Variants in CCDC66 observed in about 807,000 individuals in gnomAD.
The protein encoded by CCDC66 is coiled-coil domain containing 66.
Under a neutral mutation model 128.3 loss-of-function variants are expected in CCDC66, and 133 were observed. That is an observed-to-expected ratio of 1.04 (90% confidence interval 0.90 to 1.20). The LOEUF (loss-of-function observed/expected upper bound fraction) is 1.20, where lower values mean the gene tolerates loss of function less well. Ranked by LOEUF, CCDC66 falls within the 50% of genes most tolerant of loss-of-function variation. The pLI, the probability that CCDC66 is intolerant of heterozygous loss-of-function variation, is 0.00. For missense variants in CCDC66, 1,126 were observed against 1,075.5 expected (o/e 1.05, Z -0.66); for synonymous variants, 387 against 357.0 (o/e 1.08, Z -0.95).
chr3:56,589,644 A>T (rs2070495798), intron 7 of CCDC66, among the ~76,000 whole-genome samples: 1 of 152,178 alleles, frequency 6.6e-6, no homozygotes, highest in Non-Finnish European at 1.5e-5. Flanking sequence ...TTAGCACAAC[A>T]TTGAAAGGAT....
At chr3:56,619,611 T>C in intron 16 of CCDC66, 84 bp downstream of exon 16, 2 of 1,502,570 alleles carry the variant, frequency 1.3e-6, no homozygotes, top group Admixed American at 4.4e-5. Flanking sequence ...AAATTAGTAA[T>C]TCCTGCACTT....
chr3:56,559,517 A>T, intron 2 of CCDC66, 52 bp from the exon 3 acceptor site: 5 of 1,238,770 alleles, frequency 4.0e-6, no homozygotes, highest in Non-Finnish European at 5.6e-6. Context: ...TTGCATTACC[A>T]CCTTAGTATG....
intron 4 of CCDC66, among the ~76,000 whole-genome samples, chr3:56,564,580 T>C (rs2065540392): frequency 6.6e-6 from 1 of 152,186 alleles, no homozygotes; most frequent in African/African-American, 2.4e-5. Flanking sequence ...CATTCCATGC[T>C]AAGAAATGGC....
Position 56,593,931 on chromosome 3 carries a change from T to A in CCDC66, c.1320-13T>A. 6.2e-7 allele frequency: 1 copy of A among 1,613,768 alleles called. No individual in the cohort carries two copies. Among genetic ancestry groups the A allele is most frequent in the Non-Finnish European group, 8.5e-7 (1 of 1,179,666 alleles). On this transcript the variant is annotated splice_polypyrimidine_tract_variant and intron_variant, in intron 9 of 17. Transcript: ENST00000394672. Reference sequence around the variant, plus strand: ...TTTGAGGTTTTGAATAGCTAATGTATGTATCTTGCCAGCTTTCTCCGTTCT... The same window carrying A: ...TTTGAGGTTTTGAATAGCTAATGTAAGTATCTTGCCAGCTTTCTCCGTTCT...
Position 56,593,689 on chromosome 3 carries a change from C to G in CCDC66, c.1267C>G (p.His423Asp), listed in dbSNP as rs1364144255. Residue 423 changes from histidine (H) to aspartate (D), a missense_variant, in exon 9 of 18, where the codon CAT becomes GAT. Transcript: ENST00000394672. ...GSQVEPSEEE[H>D]IAKPIKDVVM... ...CCAGGTTGAACCTTCAGAGGAGGAG[C>G]ATATAGCAAAACCTATTAAGGATGT... 8.7e-6 allele frequency: 14 copies of G among 1,614,106 alleles called. No homozygotes were observed. In the South Asian group the frequency reaches 1.5e-4, roughly 18 times the overall value.
intron 7 of CCDC66, among the ~76,000 whole-genome samples, chr3:56,579,170 T>G (rs2067897662): frequency 6.6e-6 from 1 of 151,922 alleles, no homozygotes; most frequent in Non-Finnish European, 1.5e-5. Context: ...ATCCATTTCT[T>G]CTAGATTTTC....
At chr3:56,557,666 A>G in intron 1 of CCDC66, 1 of 192,020 alleles carries the variant, frequency 5.2e-6, no homozygotes, top group African/African-American at 2.3e-5. Context: ...TGAAACGCCC[A>G]AATTCGTTTT....
Position 56,571,294 on chromosome 3 carries a change from C to T in CCDC66, c.928C>T (p.Gln310Ter). ...ATGGGAAAAACATCAAATTCTTGACCAATCTAGGGTAAGACATCTTAATTG... is the reference window on the plus strand; with the variant it reads ...ATGGGAAAAACATCAAATTCTTGACTAATCTAGGGTAAGACATCTTAATTG... The part of the protein sequence containing the change: ...IIWEKHQILD[Q>*]SRETVLLEHP... The change falls in exon 7 of 18, where the codon CAA becomes TAA. Residue 310 changes from glutamine (Q) to a stop codon, truncating the protein, a stop_gained. Transcript: ENST00000394672. LOFTEE classifies it high-confidence loss of function. 6.6e-7 allele frequency: 1 copy of T among 1,517,250 alleles called. No homozygotes were observed. The highest frequency in any genetic ancestry group is 2.3e-5 in the East Asian group (1 of 43,070). The allele number at this position is 1,517,250 out of a possible 1,614,324, so 94.0% of individuals were successfully genotyped here.
intron 10 of CCDC66, among the ~76,000 whole-genome samples, chr3:56,611,622 C>T (rs2107308757): frequency 7.1e-6 from 1 of 140,778 alleles, no homozygotes; most frequent in East Asian, 2.2e-4. Context: ...CAAGTTGTTA[C>T]AAAGTTCATC....
rs528216819 is a variant in CCDC66 at position 56,581,903 on chromosome 3, C to G, written c.936+10601C>G. Among the ~76,000 whole-genome samples the G allele has an allele frequency of 3.7e-3, 567 of 152,000 alleles. 3 individuals carry two copies. Among genetic ancestry groups the G allele is most frequent in the Non-Finnish European group, 5.1e-3 (349 of 68,016 alleles). ...AGGCAGTCTGTCCGTTCTCAGATCT[C>G]AAACTCTGTGCTGGGAGAAGCACTA... On this transcript the variant is annotated intron_variant, in intron 7 of 17. Transcript: ENST00000394672.
chr3:56,566,469 C>T, intron 4 of CCDC66, 125 bp from the exon 5 acceptor site: 1 of 604,084 alleles, frequency 1.7e-6, no homozygotes, highest in Non-Finnish European at 2.8e-6. Flanking sequence ...ATGGCTACCT[C>T]AAGGATTGTT....
chr3:56,592,112 A>G (rs2071013238), intron 7 of CCDC66, among the ~76,000 whole-genome samples: 1 of 152,158 alleles, frequency 6.6e-6, no homozygotes, highest in Non-Finnish European at 1.5e-5. Flanking sequence ...GACACAGTAT[A>G]TTTTTGTTAT....
intron 7 of CCDC66, among the ~76,000 whole-genome samples, chr3:56,581,399 CCTT>C (rs1553681718): frequency 2.0e-5 from 3 of 151,938 alleles, no homozygotes; most frequent in Non-Finnish European, 4.4e-5. Flanking sequence ...TCGTCTGAAG[CCTT>C]CTTCTCTCAA....
chr3:56,563,904 A>G lies in CCDC66; in HGVS notation c.323A>G (p.Gln108Arg). 1.2e-6 allele frequency: 2 copies of G among 1,613,314 alleles called. No individual in the cohort carries two copies. The highest frequency in any genetic ancestry group is 8.5e-7 in the Non-Finnish European group (1 of 1,179,414). The stretch of plus-strand genomic sequence containing the variant: ...ATAGATAAAGACTGTCTTCATATCC[A>G]GAAAGAGATTTCACCTGCAACCCCT... ...QCIDKDCLHI[Q>R]KEISPATPNM... is the part of the protein sequence containing the mutation. The change falls in exon 4 of 18, where the codon CAG (glutamine) becomes CGG (arginine). Residue 108 changes from glutamine (Q) to arginine (R), a missense_variant. Gln to Arg is a conservative substitution (Grantham distance 43, BLOSUM62 1). Coordinates refer to ENST00000394672, the MANE Select transcript of CCDC66 (RefSeq NM_001141947.3).
At chr3:56,573,071 C>A (rs2066857251) in intron 7 of CCDC66, among the ~76,000 whole-genome samples, 1 of 152,146 alleles carries the variant, frequency 6.6e-6, no homozygotes, top group African/African-American at 2.4e-5. Flanking sequence ...GATAAAAAAT[C>A]TGTAATACTA....
intron 7 of CCDC66, among the ~76,000 whole-genome samples, chr3:56,586,285 T>G (rs1170165891): frequency 6.6e-6 from 1 of 151,852 alleles, no homozygotes; most frequent in Non-Finnish European, 1.5e-5. Context: ...TCCCAGCACT[T>G]TGGGAGGCTG....
chr3:56,581,855 G>C (rs1036582832), intron 7 of CCDC66, among the ~76,000 whole-genome samples: 1 of 151,832 alleles, frequency 6.6e-6, no homozygotes, highest in African/African-American at 2.4e-5. Flanking sequence ...TAGGCTACTC[G>C]GTGGTTAGGG....
chr3:56,573,284 G>C (rs1266825766), intron 7 of CCDC66, among the ~76,000 whole-genome samples: 1 of 152,146 alleles, frequency 6.6e-6, no homozygotes, highest in Non-Finnish European at 1.5e-5. Flanking sequence ...GTATTTGTCA[G>C]TTGATGAAAT....
chr3:56,602,984 A>G (rs1199231085), intron 10 of CCDC66, among the ~76,000 whole-genome samples: 8 of 150,972 alleles, frequency 5.3e-5, no homozygotes, highest in Admixed American at 4.6e-4. Flanking sequence ...ACAGGCGCCC[A>G]CCATCACACC....
Sources: allele counts gnomAD v4.1 joint callset (sites outside exome capture counted in the v4.1 genomes callset), GRCh38; gene constraint gnomAD v4.1.1; transcripts MANE v1.5; gene names NCBI Gene and HGNC (gene_info 2026-07-23, HGNC 2026-07-21).